Variants in OASL observed in about 807,000 individuals in gnomAD.
OASL encodes the protein 2'-5'-oligoadenylate synthase-like protein.
A neutral mutation model predicts 35.3 loss-of-function variants in OASL; 28 were observed. The ratio of observed to expected loss-of-function variants is 0.79; its 90% CI spans 0.59 to 1.09. The LOEUF is 1.09. OASL is among the 50% of genes least tolerant of loss of function. The probability of loss-of-function intolerance (pLI) is 0.00; values close to 1 mark genes in which losing one functional copy is unlikely to be tolerated. For missense variants in OASL, 620 were observed against 635.2 expected, an observed-to-expected ratio of 0.98 and a Z score of 0.26; for synonymous variants, 252 against 254.6, an observed-to-expected ratio of 0.99 and a Z score of 0.10.
At chr12:121,037,965 G>A (rs1308303493) in intron 1 of OASL, among the ~76,000 whole-genome samples, 1 of 151,726 alleles carries the variant, frequency 6.6e-6, no homozygotes, top group Non-Finnish European at 1.5e-5. Flanking sequence ...GGTGGTGCAT[G>A]CCTGTAATCC....
At chr12:121,032,763 C>G (rs956540910) in intron 2 of OASL, among the ~76,000 whole-genome samples, 1 of 152,162 alleles carries the variant, frequency 6.6e-6, no homozygotes, top group South Asian at 2.1e-4. Flanking sequence ...CAGACCCCCA[C>G]TCCCACTTTT....
intron 2 of OASL, 63 bp from the exon 3 acceptor site, chr12:121,031,680 T>C: frequency 1.4e-6 from 2 of 1,455,576 alleles, no homozygotes; most frequent in South Asian, 2.3e-5. Flanking sequence ...TGGTAAGTAG[T>C]ATTTTGGGGA....
At chr12:121,035,788 C>G (rs1164818241) in intron 1 of OASL, among the ~76,000 whole-genome samples, 1 of 152,116 alleles carries the variant, frequency 6.6e-6, no homozygotes, top group Non-Finnish European at 1.5e-5. Context: ...GCACCTCCAC[C>G]CCCTGGGAGA....
At chr12:121,025,069 C>G (rs1869425173) in intron 4 of OASL, among the ~76,000 whole-genome samples, 1 of 150,806 alleles carries the variant, frequency 6.6e-6, no homozygotes, top group Non-Finnish European at 1.5e-5. Flanking sequence ...ACTTCCACCT[C>G]CCGGGTTCAG....
chr12:121,028,968 G>A (rs1298328988), intron 3 of OASL, among the ~76,000 whole-genome samples: 3 of 151,400 alleles, frequency 2.0e-5, no homozygotes, highest in Non-Finnish European at 2.9e-5. Flanking sequence ...GGGAGGCTGA[G>A]GCGGGAGAAT....
chr12:121,021,665 G>A (rs994490620), intron 5 of OASL, among the ~76,000 whole-genome samples: 1 of 152,156 alleles, frequency 6.6e-6, no homozygotes, highest in African/African-American at 2.4e-5. Flanking sequence ...GCAAAAATTA[G>A]CCGGGTGTGG....
intron 4 of OASL, among the ~76,000 whole-genome samples, chr12:121,026,197 A>T (rs889756599): frequency 1.3e-5 from 2 of 152,194 alleles, no homozygotes; most frequent in Non-Finnish European, 2.9e-5. Flanking sequence ...TGACAGAGAG[A>T]GAGAGGGAGT....
exon 2 of OASL, chr12:121,033,583 T>G (rs1869832583): frequency 6.2e-7 from 1 of 1,613,988 alleles, no homozygotes; most frequent in Admixed American, 1.7e-5. Flanking sequence ...GAGCCCGAGG[T>G]CCAGCAGGTC....
intron 5 of OASL, among the ~76,000 whole-genome samples, chr12:121,022,980 T>C (rs900598203): frequency 3.9e-5 from 6 of 152,146 alleles, no homozygotes; most frequent in African/African-American, 1.2e-4. Flanking sequence ...ATAAAGATAG[T>C]GATAACACTC....
At chr12:121,027,598 T>G in exon 4 of OASL, 1 of 1,614,230 alleles carries the variant, frequency 6.2e-7, no homozygotes, top group Non-Finnish European at 8.5e-7. Flanking sequence ...AGCTGTTTTC[T>G]GACACAATCC....
chr12:121,033,831 A>G, intron 1 of OASL, 88 bp from the exon 2 acceptor site: 1 of 1,398,056 alleles, frequency 7.2e-7, no homozygotes, highest in Admixed American at 1.8e-5. Flanking sequence ...GTCTCACTGA[A>G]TGCTCACCAC....
At chr12:121,024,015 T>G (rs35249920) in exon 5 of OASL, 1 of 1,614,058 alleles carries the variant, frequency 6.2e-7, no homozygotes, top group Non-Finnish European at 8.5e-7. Flanking sequence ...GGAGATGGGG[T>G]TCTCCCTGTT....
intron 1 of OASL, among the ~76,000 whole-genome samples, chr12:121,036,513 G>A (rs560579051): frequency 1.2e-4 from 18 of 152,300 alleles, no homozygotes; most frequent in Admixed American, 5.9e-4. Context: ...GCCGGGCGTG[G>A]TGGTTCACAC....
chr12:121,029,328 T>C (rs1207593082), intron 3 of OASL, among the ~76,000 whole-genome samples: 1 of 152,146 alleles, frequency 6.6e-6, no homozygotes, highest in Non-Finnish European at 1.5e-5. Context: ...GGGCCTTTCC[T>C]ATAGGTCACT....
chr12:121,038,675 G>T (rs1448216082), intron 1 of OASL, 99 bp downstream of exon 1: 3 of 1,143,190 alleles, frequency 2.6e-6, no homozygotes, highest in African/African-American at 1.5e-5. Flanking sequence ...ATCAGCATGG[G>T]CTAGGGATAA....
intron 5 of OASL, among the ~76,000 whole-genome samples, chr12:121,021,433 C>T (rs1869231664): frequency 6.6e-6 from 1 of 152,200 alleles, no homozygotes. Flanking sequence ...GGCTACACTC[C>T]AGGGCCTGAG....
chr12:121,034,961 C>T (rs1225874779), intron 1 of OASL, among the ~76,000 whole-genome samples: 1 of 152,040 alleles, frequency 6.6e-6, no homozygotes, highest in Non-Finnish European at 1.5e-5. Context: ...ATGAGCTCTC[C>T]AGGCCCTGGT....
In OASL at chr12:121,025,982, T is replaced by C. The variant is rs962849367; in HGVS notation, c.899+1594A>G. On this transcript the variant is annotated intron_variant, in intron 4 of 5. Transcript: ENST00000257570. ...CTGTCCTATGGGGTGGGGTCACTGA[T>C]CTAAAGTGGCTCATTCTGTTGGCTG... Among the ~76,000 whole-genome samples the C allele has an allele frequency of 4.6e-4, 70 of 152,198 alleles. 2 individuals carry two copies. Among genetic ancestry groups the C allele is most frequent in the Admixed American group, 4.5e-3 (68 of 15,278 alleles).
chr12:121,037,124 G>A (rs1173356733), intron 1 of OASL, among the ~76,000 whole-genome samples: 1 of 152,152 alleles, frequency 6.6e-6, no homozygotes, highest in Non-Finnish European at 1.5e-5. Flanking sequence ...TGAGTTGGTT[G>A]CCCCTAGAGA....
Sources: allele counts gnomAD v4.1 joint callset (sites outside exome capture counted in the v4.1 genomes callset), GRCh38; gene constraint gnomAD v4.1.1; transcripts MANE v1.5; gene names NCBI Gene and HGNC (gene_info 2026-07-23, HGNC 2026-07-21).